CCDC81: variants seen among roughly 807,000 people sequenced by gnomAD.
The protein encoded by CCDC81 is coiled-coil domain containing 81, also known as coiled-coil domain-containing protein 81.
A neutral mutation model predicts 83.7 loss-of-function variants in CCDC81; 79 were observed. The observed-to-expected ratio is 0.94, with a 90% CI of 0.79 to 1.14. The LOEUF is 1.14. Among genes scored for constraint, CCDC81 ranks in the 50% most tolerant of loss-of-function variants. The pLI is 0.00. For synonymous variants in CCDC81, 252 were observed against 278.1 expected (o/e 0.91, Z 0.93); for missense variants, 791 against 778.1 (o/e 1.02, Z -0.20).
At chr11:86,411,650 C>T (rs1040775056) in intron 10 of CCDC81, among the ~76,000 whole-genome samples, 1 of 152,178 alleles carries the variant, frequency 6.6e-6, no homozygotes, top group Non-Finnish European at 1.5e-5. Context: ...AGAATTCCTT[C>T]TTCCTTCCAT....
At chr11:86,386,337 T>A (rs1330090879) in intron 2 of CCDC81, among the ~76,000 whole-genome samples, 1 of 152,128 alleles carries the variant, frequency 6.6e-6, no homozygotes, top group Non-Finnish European at 1.5e-5. Context: ...AGGTAATGAA[T>A]TTGTAAGTTC....
At chr11:86,410,002 T>G (rs1948619589) in intron 10 of CCDC81, among the ~76,000 whole-genome samples, 1 of 152,202 alleles carries the variant, frequency 6.6e-6, no homozygotes, top group Non-Finnish European at 1.5e-5. Context: ...CAGCATTGCC[T>G]GGGAACTTGC....
chr11:86,406,438 T>G (rs1278770218), intron 7 of CCDC81, among the ~76,000 whole-genome samples: 1 of 152,214 alleles, frequency 6.6e-6, no homozygotes, highest in East Asian at 1.9e-4. Context: ...ATTTCCTTTA[T>G]TCTAAAAATT....
chr11:86,412,851 A>C (rs1157041754), intron 11 of CCDC81, among the ~76,000 whole-genome samples: 1 of 152,120 alleles, frequency 6.6e-6, no homozygotes, highest in Non-Finnish European at 1.5e-5. Context: ...TCTAGGGGTG[A>C]ATGTTTACAG....
chr11:86,403,977 A>G (rs1448149991), intron 7 of CCDC81, among the ~76,000 whole-genome samples: 1 of 152,138 alleles, frequency 6.6e-6, no homozygotes, highest in Admixed American at 6.6e-5. Flanking sequence ...ATTATTCAAA[A>G]TAGGGACTAC....
At chr11:86,415,772 C>T (rs1565771525) in intron 13 of CCDC81, among the ~76,000 whole-genome samples, 1 of 152,130 alleles carries the variant, frequency 6.6e-6, no homozygotes, top group South Asian at 2.1e-4. Flanking sequence ...ATCCTGGACT[C>T]GAGCAGTTCT....
At position 86,392,636 on chromosome 11, in the gene CCDC81, CT is replaced by C. The variant is rs775314659; in HGVS notation, c.401del (p.Leu134TyrfsTer7). ...GGAAGGATGTGTGAAGGAGACGTTG[CT>C]TTTTTTATCGCGTTCCATTTCCATG... Reference protein sequence around the residue: ...VVEGCVKETLLFLSRSISMKQ... With the variant: ...VVEGCVKETLXFLSRSISMKQ... On this transcript the variant is annotated frameshift_variant, in exon 4 of 15. Transcript: ENST00000445632. LOFTEE classifies it high-confidence loss of function. 2.6e-6 allele frequency: 4 copies of C among 1,551,452 alleles called. No individual in the cohort carries two copies. Among genetic ancestry groups the C allele is most frequent in the Non-Finnish European group, 3.5e-6 (4 of 1,146,954 alleles).
chr11:86,393,754 T>C (rs10501616), intron 4 of CCDC81, among the ~76,000 whole-genome samples: 5,256 of 152,240 alleles, frequency 0.035, 153 homozygotes, highest in African/African-American at 0.078. Context: ...ACAGCAGAGT[T>C]TAAACAAATG....
At chr11:86,413,777 G>C (rs1045178177) in intron 11 of CCDC81, among the ~76,000 whole-genome samples, 1 of 152,146 alleles carries the variant, frequency 6.6e-6, no homozygotes, top group Non-Finnish European at 1.5e-5. Flanking sequence ...GTGTCCCATG[G>C]AACCTGAGGG....
chr11:86,400,721 C>T lies in CCDC81; in HGVS notation c.801C>T (p.Phe267=). 6.2e-7 allele frequency: 1 copy of T among 1,612,844 alleles called. No homozygotes were observed. Among genetic ancestry groups the T allele is most frequent in the Non-Finnish European group, 8.5e-7 (1 of 1,179,094 alleles). The change falls in exon 7 of 15, where the codon TTC becomes TTT. Residue 267 remains phenylalanine, a synonymous_variant. Transcript: ENST00000445632. ...GACTTCGAGATAGACAAGCTTTGTT[C>T]CCTGCCAAAGTGACAAATGTCAGCT... is the stretch of plus-strand genomic sequence containing the variant. ...PKRLRDRQAL[F]PAKVTNVSLL...
chr11:86,403,063 A>T (rs1460576681), intron 7 of CCDC81, among the ~76,000 whole-genome samples: 2 of 115,732 alleles, frequency 1.7e-5, no homozygotes, highest in African/African-American at 6.7e-5. Flanking sequence ...TATGTTGTGT[A>T]GGCTGGTCTA....
chr11:86,393,453 T>G (rs118086209), intron 4 of CCDC81, among the ~76,000 whole-genome samples: 1,720 of 152,284 alleles, frequency 0.011, 12 homozygotes, highest in Middle Eastern at 0.02. Flanking sequence ...ATTTTACAAT[T>G]GAGAAAAGTA....
intron 3 of CCDC81, among the ~76,000 whole-genome samples, chr11:86,389,822 T>C (rs886844359): frequency 1.3e-5 from 2 of 152,214 alleles, no homozygotes; most frequent in Non-Finnish European, 2.9e-5. Flanking sequence ...ATATAAGAAA[T>C]GGGTTGGGTA....
chr11:86,419,898 T>C (rs779310288), intron 13 of CCDC81, 30 bp from the exon 14 acceptor site: 1 of 1,586,506 alleles, frequency 6.3e-7, no homozygotes, highest in Middle Eastern at 1.7e-4. Context: ...TTCCAAGTAT[T>C]ATGGAGCCAG....
At chr11:86,392,836 T>G in intron 4 of CCDC81, 39 bp downstream of exon 4, 1 of 1,530,176 alleles carries the variant, frequency 6.5e-7, no homozygotes, top group Non-Finnish European at 8.8e-7. Flanking sequence ...CTTCTCCTAA[T>G]TGTGGTTCTG....
chr11:86,419,117 A>C (rs1948756606), intron 13 of CCDC81: 1 of 152,242 alleles, frequency 6.6e-6, no homozygotes, highest in Non-Finnish European at 1.5e-5. Flanking sequence ...CCTGACACCC[A>C]GTGGTCGTTG....
chr11:86,408,508 A>AT (rs1037314396), intron 9 of CCDC81, among the ~76,000 whole-genome samples: 16 of 151,864 alleles, frequency 1.1e-4, no homozygotes, highest in African/African-American at 3.4e-4. Flanking sequence ...TAATTTATGT[A>AT]TTTTTTGTAG....
intron 5 of CCDC81, among the ~76,000 whole-genome samples, chr11:86,395,643 C>T (rs970092278): frequency 7.9e-5 from 12 of 152,276 alleles, no homozygotes; most frequent in Admixed American, 4.6e-4. Flanking sequence ...CTCACCGCGA[C>T]GGAGTCTTGC....
intron 9 of CCDC81, 89 bp downstream of exon 9, chr11:86,408,359 G>A: frequency 8.2e-7 from 1 of 1,220,266 alleles, no homozygotes. Flanking sequence ...TTGGCGCAGG[G>A]TCTCACTCTG....
Sources: gnomAD v4.1 joint callset for allele counts (sites outside exome capture counted in the v4.1 genomes callset) on GRCh38, gnomAD v4.1.1 for gene constraint, MANE v1.5 for transcripts, NCBI Gene and HGNC (gene_info 2026-07-23, HGNC 2026-07-21) for gene names.